Variants in RP1 observed in about 807,000 individuals in gnomAD.
RP1 encodes the protein oxygen-regulated protein 1.
RP1 carries 16 observed loss-of-function variants against 14.8 expected under a neutral mutation model. That is an observed-to-expected ratio of 1.08 (90% CI 0.73 to 1.65). The LOEUF is 1.65. Ranked by LOEUF, RP1 falls within the 40% of genes most tolerant of loss-of-function variation. The pLI, the probability that RP1 is intolerant of heterozygous loss-of-function variation, is 0.00. For synonymous variants in RP1, 876 were observed against 883.6 expected (o/e 0.99, Z 0.15); for missense variants, 2,631 against 2,535.0 (o/e 1.04, Z -0.81).
intron 12 of RP1, among the ~76,000 whole-genome samples, chr8:54,694,421 A>G (rs1225002319): frequency 1.3e-5 from 2 of 152,222 alleles, no homozygotes; most frequent in Admixed American, 6.5e-5. Flanking sequence ...TAGCTCTGGT[A>G]GAATTCAGCT....
chr8:54,750,173 C>G (rs1809322603), intron 19 of RP1, among the ~76,000 whole-genome samples: 1 of 152,040 alleles, frequency 6.6e-6, no homozygotes, highest in African/African-American at 2.4e-5. Context: ...ACCACAATCC[C>G]AAATAATTTT....
chr8:54,673,797 G>A, intron 7 of RP1: 2 of 1,359,994 alleles, frequency 1.5e-6, no homozygotes, highest in Middle Eastern at 1.8e-4. Context: ...TATACTATTG[G>A]TATAAATCAG....
chr8:54,826,400 T>A (rs912921949), intron 24 of RP1, among the ~76,000 whole-genome samples: 1 of 152,212 alleles, frequency 6.6e-6, no homozygotes, highest in Non-Finnish European at 1.5e-5. Context: ...ATCTTCTGTC[T>A]AACCACAGAA....
At chr8:54,562,437 C>T (rs1804306225) in intron 1 of RP1, among the ~76,000 whole-genome samples, 2 of 152,080 alleles carry the variant, frequency 1.3e-5, no homozygotes, top group Admixed American at 1.3e-4. Flanking sequence ...CCTGTAATCC[C>T]AGCACTTTGG....
exon 23 of RP1, chr8:54,769,833 T>G: frequency 1.4e-6 from 2 of 1,469,652 alleles, no homozygotes; most frequent in East Asian, 4.9e-5. Context: ...TAGAAGAAAG[T>G]ACAAGATGAT....
chr8:54,597,679 T>C (rs779025433), intron 1 of RP1, among the ~76,000 whole-genome samples: 1 of 152,186 alleles, frequency 6.6e-6, no homozygotes, highest in Non-Finnish European at 1.5e-5. Context: ...TGTACTGATA[T>C]ATGCTAAAAC....
At chr8:54,851,991 T>C (rs1274627765) in intron 25 of RP1, among the ~76,000 whole-genome samples, 1 of 152,238 alleles carries the variant, frequency 6.6e-6, no homozygotes, top group Non-Finnish European at 1.5e-5. Context: ...AATTATTTAT[T>C]TCTATCAATG....
In RP1 at chr8:54,620,986, C is replaced by T; in HGVS notation, c.20C>T (p.Thr7Ile). Residue 7 changes from threonine (T) to isoleucine (I), a missense_variant, in exon 2 of 4, where the codon ACT becomes ATT. By Grantham distance (89) the Thr-to-Ile change is moderately conservative (BLOSUM62 -1). Transcript: ENST00000220676. Reference protein sequence around the residue: MSDTPSTGFSIIHPTSS... With the variant: MSDTPSIGFSIIHPTSS... ...GCCAAAATGAGTGATACCCCTTCTA[C>T]TGGTTTTTCCATCATTCATCCTACG... 3 of 1,614,144 alleles carry T rather than the reference C, an allele frequency of 1.9e-6. No individual in the cohort carries two copies. The highest frequency in any genetic ancestry group is 2.5e-6 in the Non-Finnish European group (3 of 1,180,030).
intron 28 of RP1, among the ~76,000 whole-genome samples, chr8:54,866,913 A>C (rs1812471006): frequency 6.6e-6 from 1 of 152,192 alleles, no homozygotes; most frequent in Non-Finnish European, 1.5e-5. Flanking sequence ...CCATCCATTT[A>C]ATATGTTAAT....
Position 54,630,664 on chromosome 8 carries a change from GA to G in RP1, c.*313del. On this transcript the variant is annotated 3_prime_UTR_variant, in exon 4 of 4. Coordinates refer to ENST00000220676, the MANE Select transcript of RP1 (RefSeq NM_006269.2). ...GGGCATCAAAATGTGCTAAGGACAAGAATTATATCCTTTTTAAAAAATGTTG... is the reference window on the plus strand; with the variant it reads ...GGGCATCAAAATGTGCTAAGGACAAGATTATATCCTTTTTAAAAAATGTTG... The G allele has an allele frequency of 1.8e-6, 2 of 1,141,088 alleles. No homozygotes were observed. The highest frequency in any genetic ancestry group is 2.2e-6 in the Non-Finnish European group (2 of 927,436). The allele number at this position is 1,141,088 out of a possible 1,614,324, so 70.7% of individuals were successfully genotyped here. A position where few individuals can be genotyped will look rare whatever the true frequency, so the allele number is the denominator to read the frequency against.
intron 24 of RP1, among the ~76,000 whole-genome samples, chr8:54,786,556 G>A (rs1302973847): frequency 1.3e-5 from 2 of 151,914 alleles, no homozygotes; most frequent in African/African-American, 4.8e-5. Flanking sequence ...TACTTATAAG[G>A]TACCCTTATG....
In RP1 at chr8:54,627,727, C is replaced by G; in HGVS notation, c.3845C>G (p.Pro1282Arg). Reference protein sequence around the residue: ...ETCNPSDTFFPSDGYGVDQTS... With the variant: ...ETCNPSDTFFRSDGYGVDQTS... The stretch of plus-strand genomic sequence containing the variant: ...TGTAACCCCAGTGACACTTTTTTTC[C>G]TAGTGATGGTTATGGTGTGGATCAG... The change falls in exon 4 of 4, where the codon CCT becomes CGT. Residue 1282 changes from proline to arginine, a missense_variant. By Grantham distance (103) the Pro-to-Arg change is moderately radical. Transcript: ENST00000220676. The G allele has an allele frequency of 6.2e-7, 1 of 1,614,024 alleles. No homozygotes were observed. The highest frequency in any genetic ancestry group is 8.5e-7 in the Non-Finnish European group (1 of 1,179,940).
At chr8:54,800,099 T>C (rs1184890479) in intron 24 of RP1, among the ~76,000 whole-genome samples, 2 of 152,126 alleles carry the variant, frequency 1.3e-5, no homozygotes, top group Non-Finnish European at 2.9e-5. Context: ...TTAAATGATG[T>C]TTTTACTGGA....
downstream of RP1, among the ~76,000 whole-genome samples, chr8:54,773,788 C>T (rs560028305): frequency 1.2e-4 from 18 of 152,166 alleles, no homozygotes; most frequent in African/African-American, 4.3e-4. Context: ...ATTTTAATGA[C>T]TCAGCTTCCT....
At chr8:54,609,911 CT>C (rs1162097486) in intron 1 of RP1, among the ~76,000 whole-genome samples, 2 of 152,188 alleles carry the variant, frequency 1.3e-5, no homozygotes, top group Admixed American at 1.3e-4. Context: ...TAAATCTTCC[CT>C]TTTGACTGGT....
At chr8:54,846,036 G>T (rs1387056357) in intron 25 of RP1, among the ~76,000 whole-genome samples, 2 of 152,176 alleles carry the variant, frequency 1.3e-5, no homozygotes. Flanking sequence ...TTTGCGAAGG[G>T]CTGCCCTCAT....
At chr8:54,790,350 C>A (rs1472262926) in intron 24 of RP1, among the ~76,000 whole-genome samples, 1 of 152,162 alleles carries the variant, frequency 6.6e-6, no homozygotes, top group Non-Finnish European at 1.5e-5. Flanking sequence ...TCTTTCCCTG[C>A]CAAAGTGAAC....
chr8:54,715,602 G>A (rs748123535), intron 15 of RP1, among the ~76,000 whole-genome samples: 14 of 152,152 alleles, frequency 9.2e-5, no homozygotes, highest in Non-Finnish European at 1.9e-4. Context: ...GTGTTTCTGC[G>A]AAGGCTCAGG....
chr8:54,790,795 C>T (rs577099557), intron 24 of RP1, among the ~76,000 whole-genome samples: 3 of 151,936 alleles, frequency 2.0e-5, no homozygotes, highest in South Asian at 2.1e-4. Flanking sequence ...AATATTCAGT[C>T]GGTGGAGCAA....
Sources: allele counts gnomAD v4.1 joint callset (sites outside exome capture counted in the v4.1 genomes callset), GRCh38; gene constraint gnomAD v4.1.1; transcripts MANE v1.5; gene names NCBI Gene and HGNC (gene_info 2026-07-23, HGNC 2026-07-21).